The following HDGFL3 variants were observed in gnomAD, a reference collection of about 807,000 sequenced individuals.
HDGFL3 encodes the protein HDGF like 3, also known as hepatoma-derived growth factor-related protein 3.
HDGFL3 carries 6 observed loss-of-function variants against 27.6 expected under a neutral mutation model. The ratio of observed to expected loss-of-function variants is 0.22; its 90% confidence interval spans 0.12 to 0.43. HDGFL3 has a LOEUF of 0.43. Ranked by LOEUF, HDGFL3 falls within the 20% of genes least tolerant of loss-of-function variation. The probability of loss-of-function intolerance (pLI) is 1.00; values close to 1 mark genes in which losing one functional copy is unlikely to be tolerated. For synonymous variants in HDGFL3, 88 were observed against 88.9 expected (o/e 0.99, Z 0.05); for missense variants, 207 against 250.1 (o/e 0.83, Z 1.16).
intron 5 of HDGFL3, 32 bp downstream of exon 5, chr15:83,151,183 G>A: frequency 1.9e-6 from 3 of 1,590,330 alleles, no homozygotes. Context: ...TCTTCTAATA[G>A]AAGGTAAGAG....
At chr15:83,200,856 CTTTT>C (rs200038603) in intron 1 of HDGFL3, among the ~76,000 whole-genome samples, 3 of 120,176 alleles carry the variant, frequency 2.5e-5, no homozygotes, top group South Asian at 2.7e-4. Context: ...TTACTTTATT[CTTTT>C]TTTTTTTTTT....
downstream of HDGFL3, among the ~76,000 whole-genome samples, chr15:83,127,204 T>C (rs1301047666): frequency 7.6e-6 from 1 of 132,310 alleles, no homozygotes; most frequent in African/African-American, 2.9e-5. Flanking sequence ...AAAAAATAAA[T>C]AAATAAAAAT....
At chr15:83,171,502 A>G (rs1197144065) in intron 1 of HDGFL3, among the ~76,000 whole-genome samples, 1 of 152,240 alleles carries the variant, frequency 6.6e-6, no homozygotes, top group African/African-American at 2.4e-5. Flanking sequence ...CTAGGTGCCT[A>G]TCAGTGGTGG....
intron 1 of HDGFL3, among the ~76,000 whole-genome samples, chr15:83,195,516 G>C (rs1032293023): frequency 6.6e-6 from 1 of 151,868 alleles, no homozygotes; most frequent in South Asian, 2.1e-4. Context: ...TCTATCTCAA[G>C]CTCTTTAATG....
At chr15:83,152,093 A>G (rs1307695252) in intron 4 of HDGFL3, among the ~76,000 whole-genome samples, 1 of 152,248 alleles carries the variant, frequency 6.6e-6, no homozygotes, top group Non-Finnish European at 1.5e-5. Context: ...AAAGTAAAAT[A>G]TAGTGTTTTT....
intron 1 of HDGFL3, among the ~76,000 whole-genome samples, chr15:83,177,214 T>C (rs2037324011): frequency 6.6e-6 from 1 of 152,210 alleles, no homozygotes; most frequent in Non-Finnish European, 1.5e-5. Context: ...CCATTTTGCA[T>C]TTTTATATAA....
intron 4 of HDGFL3, among the ~76,000 whole-genome samples, chr15:83,156,133 CTTCTTTCAAT>C (rs2037026357): frequency 1.3e-5 from 2 of 152,246 alleles, no homozygotes; most frequent in African/African-American, 4.8e-5. Context: ...CCAGCCACAC[CTTCTTTCAAT>C]ACAGGAAAAA....
At chr15:83,144,402 G>A (rs532850123) in intron 5 of HDGFL3, 3 of 456,056 alleles carry the variant, frequency 6.6e-6, no homozygotes, top group Admixed American at 2.3e-5. Context: ...TGACTTGCTT[G>A]TAATAAACAG....
Position 83,151,081 on chromosome 15 carries a change from T to G in HDGFL3, c.606+134A>C, listed in dbSNP as rs903615771. 8.1e-6 allele frequency: 6 copies of G among 744,906 alleles called. No individual in the cohort carries two copies. The African/African-American group carries it at 1.1e-4, about 13-fold the overall frequency. The allele number at this position is 744,906 out of a possible 1,614,324, so 46.1% of individuals were successfully genotyped here. The stretch of plus-strand genomic sequence containing the variant: ...AATTTGATTATATTAAAGGGCTGAG[T>G]GGATGCATATAATAGGCTGAGAATA... On this transcript the variant is annotated intron_variant, in intron 5 of 5. Transcript: ENST00000299633.
At chr15:83,181,545 A>C (rs2037381443) in intron 1 of HDGFL3, among the ~76,000 whole-genome samples, 1 of 152,080 alleles carries the variant, frequency 6.6e-6, no homozygotes. Flanking sequence ...GTGCGATCTC[A>C]GCTCACTGCA....
chr15:83,178,081 G>T (rs377513397), intron 1 of HDGFL3, among the ~76,000 whole-genome samples: 7 of 152,156 alleles, frequency 4.6e-5, no homozygotes, highest in African/African-American at 1.7e-4. Context: ...AAGCTGTGAA[G>T]GTTTGTGGAA....
At chr15:83,121,800 AAT>A (rs2035277186) in intron 3 of HDGFL3, 12 of 730,278 alleles carry the variant, frequency 1.6e-5, no homozygotes, top group South Asian at 3.7e-5. Context: ...CTCTCAATTC[AAT>A]ATGTTTTGAT....
At chr15:83,126,886 ATT>A, downstream of HDGFL3, 1 of 1,542,068 alleles carries the variant, frequency 6.5e-7, no homozygotes, top group Non-Finnish European at 8.9e-7. Flanking sequence ...TCTAAAATTA[ATT>A]TTCTTTTTAA....
chr15:83,207,254 G>T lies in HDGFL3; in HGVS notation c.84+77C>A. The T allele has an allele frequency of 9.6e-7, 1 of 1,044,530 alleles. No individual in the cohort carries two copies. The highest frequency in any genetic ancestry group is 1.3e-6 in the Non-Finnish European group (1 of 792,166). The allele number at this position is 1,044,530 out of a possible 1,614,324, so 64.7% of individuals were successfully genotyped here. On this transcript the variant is annotated intron_variant, in intron 1 of 5. Coordinates refer to ENST00000299633, the MANE Select transcript of HDGFL3 (RefSeq NM_016073.4). The surrounding 1 kb of genome is among the most constrained non-coding windows in gnomAD (Gnocchi z 4.8). ...GCTGCGGGCTCGGGGCTGAGGCGAT[G>T]GGGAAAGGGGGCGGGCGCGCCATCA... is the stretch of plus-strand genomic sequence containing the variant.
chr15:83,118,434 G>A (rs1269753122), intron 3 of HDGFL3, among the ~76,000 whole-genome samples: 1 of 152,218 alleles, frequency 6.6e-6, no homozygotes, highest in Admixed American at 6.5e-5. Context: ...AGAGCCAGGT[G>A]TGTTAGCAAT....
intron 1 of HDGFL3, among the ~76,000 whole-genome samples, chr15:83,166,499 C>CA (rs1454532036): frequency 3.3e-5 from 5 of 152,034 alleles, no homozygotes; most frequent in Admixed American, 3.3e-4. Flanking sequence ...TACCTGTTAT[C>CA]AAAAAAACAC....
chr15:83,199,559 TC>T (rs758408344), intron 1 of HDGFL3, among the ~76,000 whole-genome samples: 1 of 152,172 alleles, frequency 6.6e-6, no homozygotes, highest in Non-Finnish European at 1.5e-5. Flanking sequence ...TACCACTGAC[TC>T]CCCTACACTG....
chr15:83,142,791 T>A (rs2036803538), intron 5 of HDGFL3, among the ~76,000 whole-genome samples: 1 of 152,186 alleles, frequency 6.6e-6, no homozygotes, highest in African/African-American at 2.4e-5. Context: ...GAAATAGATA[T>A]GAGGATCTAG....
At chr15:83,187,689 G>C (rs1316068517) in intron 1 of HDGFL3, among the ~76,000 whole-genome samples, 1 of 151,996 alleles carries the variant, frequency 6.6e-6, no homozygotes, top group Non-Finnish European at 1.5e-5. Context: ...CGGAGTTCGA[G>C]ACCAGCCTGA....
Sources: allele counts gnomAD v4.1 joint callset (sites outside exome capture counted in the v4.1 genomes callset), GRCh38; gene constraint gnomAD v4.1.1; non-coding constraint Gnocchi (gnomAD v3.1); transcripts MANE v1.5; gene names NCBI Gene and HGNC (gene_info 2026-07-23, HGNC 2026-07-21).